Variants in TMEM145 observed in about 807,000 individuals in gnomAD.
TMEM145 encodes the protein transmembrane protein 145.
TMEM145 carries 46 observed loss-of-function variants against 68.5 expected under a neutral mutation model. The observed-to-expected ratio is 0.67, with a 90% CI of 0.53 to 0.86. TMEM145 has a LOEUF of 0.86. Among genes scored for constraint, TMEM145 ranks in the 40% least tolerant of loss-of-function variants. The pLI is 0.00. For missense variants in TMEM145, 570 were observed against 645.8 expected (o/e 0.88, Z 1.27); for synonymous variants, 255 against 280.2 (o/e 0.91, Z 0.90).
Position 42,313,405 on chromosome 19 carries a change from G to T in TMEM145, c.29G>T (p.Arg10Leu). 7.4e-7 allele frequency: 1 copy of T among 1,351,668 alleles called. No individual in the cohort carries two copies. Among genetic ancestry groups the T allele is most frequent in the Non-Finnish European group, 9.5e-7 (1 of 1,050,102 alleles). The allele number at this position is 1,351,668 out of a possible 1,614,324, so 83.7% of individuals were successfully genotyped here. A position where few individuals can be genotyped will look rare whatever the true frequency, so the allele number is the denominator to read the frequency against. Residue 10 changes from arginine (R) to leucine (L), a missense_variant, in exon 1 of 15, where the codon CGC becomes CTC. Arg to Leu is a moderately radical substitution (Grantham distance 102). Coordinates refer to ENST00000301204, the MANE Select transcript of TMEM145 (RefSeq NM_173633.3). The surrounding 1 kb of genome is among the most constrained non-coding windows in gnomAD (Gnocchi z 5.1). MEPLRAPAL[R>L]RLLPPLLLLL... Reference sequence around the variant, plus strand: ...GAGCCCCTGCGCGCGCCCGCGCTGCGCCGCCTGCTGCCGCCGCTGCTGCTC... The same window carrying T: ...GAGCCCCTGCGCGCGCCCGCGCTGCTCCGCCTGCTGCCGCCGCTGCTGCTC...
Position 42,314,294 on chromosome 19 carries a change from T to A in TMEM145, c.143T>A (p.Phe48Tyr). ...CAGGACTGGGTGTTCCTGACAAGAT[T>A]TTGTTTCCTCTCGGATTACGGCCGA... The part of the protein sequence containing the change: ...SKEDWVFLTR[F>Y]CFLSDYGRLD... Residue 48 changes from phenylalanine to tyrosine, a missense_variant, in exon 2 of 15, where the codon TTT becomes TAT. Phe to Tyr is a conservative substitution (Grantham distance 22, BLOSUM62 3). Transcript: ENST00000301204. The A allele has an allele frequency of 2.5e-6, 4 of 1,613,854 alleles. No individual in the cohort carries two copies. Among genetic ancestry groups the A allele is most frequent in the Non-Finnish European group, 3.4e-6 (4 of 1,179,938 alleles).
intron 12 of TMEM145, among the ~76,000 whole-genome samples, chr19:42,319,738 G>A (rs983519092): frequency 1.1e-4 from 17 of 148,130 alleles, no homozygotes; most frequent in Admixed American, 3.4e-4. Flanking sequence ...ATAAGCCACT[G>A]TGCCCGGCCT....
At chr19:42,323,548 G>A (rs905312979) in intron 13 of TMEM145, 35 bp from the exon 14 acceptor site, 4 of 1,606,694 alleles carry the variant, frequency 2.5e-6, no homozygotes, top group Non-Finnish European at 3.4e-6. Context: ...CGGCCTGACA[G>A]TGCCTCTCAC....
chr19:42,323,798 C>T lies in TMEM145; in HGVS notation c.1401+9C>T, dbSNP rs1357144478. On this transcript the variant is annotated intron_variant, in intron 14 of 14. Transcript: ENST00000301204. ...CCCCGCCCGCCACCTCCGTAAGCCC[C>T]GCGGCCCCAGCGCCCGAGGAGCTGC... The T allele has an allele frequency of 6.2e-7, 1 of 1,613,106 alleles. No homozygotes were observed. Among genetic ancestry groups the T allele is most frequent in the Non-Finnish European group, 8.5e-7 (1 of 1,179,340 alleles).
chr19:42,324,200 G>A, intron 14 of TMEM145: 1 of 966,840 alleles, frequency 1.0e-6, no homozygotes, highest in Non-Finnish European at 1.2e-6. Flanking sequence ...GGTTCTCCGG[G>A]GGAGGGGGAC....
Position 42,314,611 on chromosome 19 carries a change from A to G in TMEM145, c.274-2A>G. 6.2e-7 allele frequency: 1 copy of G among 1,614,172 alleles called. No homozygotes were observed. Among genetic ancestry groups the G allele is most frequent in the Non-Finnish European group, 8.5e-7 (1 of 1,180,014 alleles). ...GAGTGACCCTGTCCCTGCCTTCCCC[A>G]GGACTGCCTGGCCAAGGAGTCAGTG... On this transcript the variant is annotated splice_acceptor_variant, in intron 3 of 14. Coordinates refer to ENST00000301204, the MANE Select transcript of TMEM145 (RefSeq NM_173633.3). LOFTEE classifies it high-confidence loss of function.
In TMEM145 at chr19:42,315,272, C is replaced by G. The variant is rs1202724981; in HGVS notation, c.577+13C>G. ...TGTTACTTTGGATGTGAGTCTGGCA[C>G]ATGGGGTGTGGGGGAAGAGATAGGA... On this transcript the variant is annotated intron_variant, in intron 7 of 14. Coordinates refer to ENST00000301204, the MANE Select transcript of TMEM145 (RefSeq NM_173633.3). The G allele has an allele frequency of 1.9e-6, 3 of 1,611,584 alleles. No homozygotes were observed. The South Asian group carries it at 3.3e-5, about 18-fold the overall frequency.
Position 42,313,506 on chromosome 19 carries a change from C to T in TMEM145, c.120+10C>T. On this transcript the variant is annotated intron_variant, in intron 1 of 14. Coordinates refer to ENST00000301204, the MANE Select transcript of TMEM145 (RefSeq NM_173633.3). This position sits in a 1 kb window ranked among gnomAD's most constrained non-coding sequence, Gnocchi z 5.1. ...CCTCAGTTCCAAGGAGGTGAGCATG[C>T]CGAGCCCTCCTCTGCGGCCCGCCGG... The T allele has an allele frequency of 7.8e-7, 1 of 1,277,592 alleles. No homozygotes were observed. The allele number at this position is 1,277,592 out of a possible 1,614,324, so 79.1% of individuals were successfully genotyped here. A position where few individuals can be genotyped will look rare whatever the true frequency, so the allele number is the denominator to read the frequency against.
At chr19:42,318,005 C>G in intron 12 of TMEM145, 124 bp downstream of exon 12, 1 of 1,047,022 alleles carries the variant, frequency 9.6e-7, no homozygotes, top group Non-Finnish European at 1.4e-6. Flanking sequence ...AGCTGTTGCC[C>G]AGAATCTGCC....
chr19:42,318,996 A>G (rs1198312398), intron 12 of TMEM145, among the ~76,000 whole-genome samples: 1 of 152,150 alleles, frequency 6.6e-6, no homozygotes, highest in Non-Finnish European at 1.5e-5. Context: ...AAGCAGGAGA[A>G]TAGCTTGAAC....
intron 13 of TMEM145, 56 bp from the exon 14 acceptor site, chr19:42,323,527 G>C: frequency 6.4e-7 from 1 of 1,568,202 alleles, no homozygotes; most frequent in African/African-American, 1.3e-5. Context: ...CAAGTTTATG[G>C]GGACAGCCTC....
In TMEM145 at chr19:42,324,756, C is replaced by A. The variant is rs1444098478; in HGVS notation, c.1421C>A (p.Pro474Gln). The A allele has an allele frequency of 1.9e-6, 3 of 1,559,354 alleles. No individual in the cohort carries two copies. The highest frequency in any genetic ancestry group is 2.6e-6 in the Non-Finnish European group (3 of 1,161,406). Residue 474 changes from proline to glutamine, a missense_variant, in exon 15 of 15, where the codon CCG becomes CAG. Physicochemically the swap from Pro to Gln is moderately conservative, Grantham distance 76. Coordinates refer to ENST00000301204, the MANE Select transcript of TMEM145 (RefSeq NM_173633.3). ...CCTCAGCCCCTGCCCCGAGCGGCGC[C>A]GGATTCTGGGCTCCCGCTGTTCCGT... ...PATSPLPRAA[P>Q]DSGLPLFRDL...
intron 12 of TMEM145, among the ~76,000 whole-genome samples, 192 bp downstream of exon 12, chr19:42,318,073 A>C (rs2038876591): frequency 6.6e-6 from 1 of 152,088 alleles, no homozygotes; most frequent in Non-Finnish European, 1.5e-5. Flanking sequence ...TTACCCATAA[A>C]ACAACAGGAT....
chr19:42,323,844 C>G, intron 14 of TMEM145, 55 bp downstream of exon 14: 2 of 1,531,114 alleles, frequency 1.3e-6, no homozygotes, highest in South Asian at 2.3e-5. Context: ...CCTGGAGTAC[C>G]TGACCCCGCT....
chr19:42,315,311 G>A (rs1267779601), intron 7 of TMEM145, 52 bp downstream of exon 7: 2 of 1,613,998 alleles, frequency 1.2e-6, no homozygotes, highest in African/African-American at 2.7e-5. Flanking sequence ...AGCAGGGTTG[G>A]GGGAGGTGAG....
chr19:42,319,644 C>T (rs1304237895), intron 12 of TMEM145, among the ~76,000 whole-genome samples: 1 of 151,856 alleles, frequency 6.6e-6, no homozygotes, highest in Non-Finnish European at 1.5e-5. Flanking sequence ...ATGTGGTTTC[C>T]ACCATATTGG....
rs1354069896 is a variant in TMEM145 at position 42,323,655 on chromosome 19, G to C, written c.1267G>C (p.Gly423Arg). The C allele has an allele frequency of 2.5e-6, 4 of 1,614,042 alleles. No individual in the cohort carries two copies. Among genetic ancestry groups the C allele is most frequent in the Admixed American group, 3.3e-5 (2 of 60,002 alleles). ...GCGCACGTCGCAGATCGCTTCAGCC[G>C]GAGTCCCTGGACCCGGAGGGAGCCA... ...HVRTSQIASA[G>R]VPGPGGSQSA... Residue 423 changes from glycine to arginine, a missense_variant, in exon 14 of 15, where the codon GGA becomes CGA. Coordinates refer to ENST00000301204, the MANE Select transcript of TMEM145 (RefSeq NM_173633.3).
chr19:42,315,135 C>T (rs1449497595), intron 6 of TMEM145, 53 bp from the exon 7 acceptor site: 2 of 1,614,050 alleles, frequency 1.2e-6, no homozygotes, highest in African/African-American at 2.7e-5. Context: ...GCTGGGTGCC[C>T]ACTGAGGGGA....
rs1212762411 is a variant in TMEM145, at chr19:42,324,487, C to A, written c.1402-250C>A. 9.1e-6 allele frequency: 9 copies of A among 985,310 alleles called. No homozygotes were observed. The African/African-American group carries it at 1.4e-4, about 15-fold the overall frequency. 61.0% of individuals were successfully genotyped at this position (985,310 alleles called of 1,614,324 possible). On this transcript the variant is annotated intron_variant, in intron 14 of 14. Transcript: ENST00000301204. ...CGCACACCGGCTTCACCGAATACTT[C>A]AGCATGCACACGGCCGGGGGCACTG...
Sources: gnomAD v4.1 joint callset for allele counts (sites outside exome capture counted in the v4.1 genomes callset) on GRCh38, gnomAD v4.1.1 for gene constraint, Gnocchi (gnomAD v3.1) non-coding constraint, MANE v1.5 for transcripts, NCBI Gene and HGNC (gene_info 2026-07-23, HGNC 2026-07-21) for gene names.